LMX1B: variants seen among roughly 807,000 people sequenced by gnomAD.
The protein encoded by LMX1B is LIM homeobox transcription factor 1-beta.
In LMX1B, 12 loss-of-function variants were observed where a neutral mutation model predicts 51.4. The ratio of observed to expected loss-of-function variants is 0.23; its 90% CI spans 0.15 to 0.38. The LOEUF (loss-of-function observed/expected upper bound fraction) is 0.38. LMX1B is among the 10% of genes least tolerant of loss of function. The probability of loss-of-function intolerance (pLI) is 1.00; values close to 1 mark genes in which losing one functional copy is unlikely to be tolerated. For missense variants in LMX1B, 445 were observed against 571.1 expected (o/e 0.78, Z 2.25); for synonymous variants, 237 against 235.4 (o/e 1.01, Z -0.06).
At chr9:126,624,032 C>A (rs1224765218) in intron 2 of LMX1B, among the ~76,000 whole-genome samples, 1 of 152,252 alleles carries the variant, frequency 6.6e-6, no homozygotes, top group African/African-American at 2.4e-5. Flanking sequence ...TTCGGTGTCA[C>A]CAGGGGTTTA....
intron 2 of LMX1B, among the ~76,000 whole-genome samples, chr9:126,676,101 C>T (rs1836555441): frequency 6.6e-6 from 1 of 152,090 alleles, no homozygotes; most frequent in African/African-American, 2.4e-5. Flanking sequence ...CCTGCACACT[C>T]AGGCAGGCTC....
At position 126,671,860 on chromosome 9, in the gene LMX1B, A is replaced by G. The variant is rs112295834; in HGVS notation, c.327-18976A>G. The stretch of plus-strand genomic sequence containing the variant: ...CCAGAGGCCACTTGGCCAGGCCTCC[A>G]CTCCCCTCCCTCCAGAGGGGCAGAG... On this transcript the variant is annotated intron_variant, in intron 2 of 7. Transcript: ENST00000373474. The surrounding 1 kb of genome is among the most constrained non-coding windows in gnomAD (Gnocchi z 4.4). Among the ~76,000 whole-genome samples, 12,529 of 151,516 alleles carry G rather than the reference A, an allele frequency of 0.083. 675 individuals are homozygous for G. Among genetic ancestry groups the G allele is most frequent in the Middle Eastern group, 0.12 (36 of 294 alleles).
intron 2 of LMX1B, among the ~76,000 whole-genome samples, chr9:126,666,873 G>C (rs988249418): frequency 1.3e-5 from 2 of 152,202 alleles, no homozygotes; most frequent in East Asian, 3.8e-4. Flanking sequence ...AGAGGCCTGG[G>C]CGAAGGGTTC....
intron 2 of LMX1B, among the ~76,000 whole-genome samples, chr9:126,655,212 C>T (rs984435402): frequency 4.6e-5 from 7 of 152,234 alleles, no homozygotes; most frequent in Non-Finnish European, 8.8e-5. Flanking sequence ...GGAGGTTGTC[C>T]GCAGCTCAGC....
At chr9:126,683,991 G>A (rs113024851) in intron 2 of LMX1B, among the ~76,000 whole-genome samples, 273 of 152,166 alleles carry the variant, frequency 1.8e-3, no homozygotes, top group Non-Finnish European at 3.3e-3. Flanking sequence ...ATCCAAGCAC[G>A]TGTCCTACGG....
chr9:126,664,836 T>C (rs1166777727), intron 2 of LMX1B, among the ~76,000 whole-genome samples: 1 of 152,158 alleles, frequency 6.6e-6, no homozygotes, highest in Non-Finnish European at 1.5e-5. Context: ...GATCACGCCA[T>C]CGCAGTCCAG....
chr9:126,631,262 CAAAAGATTTAAATT>C (rs1835631426), intron 2 of LMX1B, among the ~76,000 whole-genome samples: 1 of 152,198 alleles, frequency 6.6e-6, no homozygotes, highest in African/African-American at 2.4e-5. Flanking sequence ...GCCTGAACGT[CAAAAGATTTAAATT>C]AAAATAACAG....
chr9:126,685,016 T>C (rs150333990), intron 2 of LMX1B, among the ~76,000 whole-genome samples: 304 of 152,316 alleles, frequency 2.0e-3, no homozygotes, highest in African/African-American at 7.0e-3. Context: ...TGTTCATTCA[T>C]TTGACAAACA....
At chr9:126,678,322 CA>C (rs1564164412) in intron 2 of LMX1B, among the ~76,000 whole-genome samples, 4 of 120,606 alleles carry the variant, frequency 3.3e-5, no homozygotes, top group Non-Finnish European at 3.2e-5. Context: ...AAAAAAAAAA[CA>C]AAAAACAAAA....
At chr9:126,633,286 G>A (rs978075990) in intron 2 of LMX1B, among the ~76,000 whole-genome samples, 7 of 152,186 alleles carry the variant, frequency 4.6e-5, no homozygotes, top group Admixed American at 3.9e-4. Flanking sequence ...GATGGCCCCT[G>A]GGGGAAGCCT....
intron 2 of LMX1B, among the ~76,000 whole-genome samples, chr9:126,646,619 G>C (rs2118893170): frequency 6.6e-6 from 1 of 152,352 alleles, no homozygotes; most frequent in South Asian, 2.1e-4. Context: ...CCAGAGCCAG[G>C]TTGCGCCCCT....
intron 2 of LMX1B, among the ~76,000 whole-genome samples, chr9:126,621,528 C>A (rs1024636021): frequency 6.6e-6 from 1 of 152,188 alleles, no homozygotes; most frequent in Non-Finnish European, 1.5e-5. Flanking sequence ...AAGTGGCAGA[C>A]GTTTGCCATT....
In LMX1B at chr9:126,700,796, C is replaced by T. The variant is rs960330357; in HGVS notation, c.*4345C>T. 1 of 152,224 alleles carries T rather than the reference C, an allele frequency of 6.6e-6. No homozygotes were observed. Among genetic ancestry groups the T allele is most frequent in the Non-Finnish European group, 1.5e-5 (1 of 68,036 alleles). The allele number at this position is 152,224 out of a possible 1,614,324, so 9.4% of individuals were successfully genotyped here. On this transcript the variant is annotated 3_prime_UTR_variant, in exon 8 of 8. Coordinates refer to ENST00000373474, the MANE Select transcript of LMX1B (RefSeq NM_001174147.2). ...CCAGCCAGGTGTGGGGATGGGCCAC[C>T]GGCCATTCCTGTTTTCCTTGTACAG... is the stretch of plus-strand genomic sequence containing the variant.
intron 2 of LMX1B, among the ~76,000 whole-genome samples, chr9:126,627,720 G>C (rs1289013438): frequency 6.6e-6 from 1 of 152,150 alleles, no homozygotes; most frequent in Non-Finnish European, 1.5e-5. Context: ...GGGACCTTGG[G>C]CTGCTTTAGG....
chr9:126,647,977 C>G (rs1835933329), intron 2 of LMX1B, among the ~76,000 whole-genome samples: 1 of 152,260 alleles, frequency 6.6e-6, no homozygotes, highest in African/African-American at 2.4e-5. Context: ...CCCTCCCACT[C>G]TGCTCTCCTG....
At chr9:126,623,513 T>C (rs2118842753) in intron 2 of LMX1B, among the ~76,000 whole-genome samples, 2 of 152,336 alleles carry the variant, frequency 1.3e-5, no homozygotes, top group African/African-American at 4.8e-5. Flanking sequence ...CTTGAACAAC[T>C]TCCCCAGGCC....
chr9:126,681,910 A>AAT (rs1554727632), intron 2 of LMX1B, among the ~76,000 whole-genome samples: 100 of 149,822 alleles, frequency 6.7e-4, no homozygotes, highest in African/African-American at 2.3e-3. Context: ...CAAAAAAAAA[A>AAT]AATAATAATA....
At chr9:126,639,005 G>C (rs1378107979) in intron 2 of LMX1B, among the ~76,000 whole-genome samples, 1 of 151,536 alleles carries the variant, frequency 6.6e-6, no homozygotes, top group Non-Finnish European at 1.5e-5. Context: ...TTGGGAAGGA[G>C]AATTGGAGAG....
chr9:126,630,038 G>A (rs1343831068), intron 2 of LMX1B, among the ~76,000 whole-genome samples: 2 of 151,880 alleles, frequency 1.3e-5, no homozygotes, highest in Non-Finnish European at 2.9e-5. Context: ...CTACTCGGGA[G>A]TAGCTCCCAG....
Sources: gnomAD v4.1 joint callset for allele counts (sites outside exome capture counted in the v4.1 genomes callset) on GRCh38, gnomAD v4.1.1 for gene constraint, Gnocchi (gnomAD v3.1) non-coding constraint, MANE v1.5 for transcripts, NCBI Gene and HGNC (gene_info 2026-07-23, HGNC 2026-07-21) for gene names.